The following CCDC7 variants were observed in gnomAD, a reference collection of about 807,000 sequenced individuals.
CCDC7 encodes coiled-coil domain-containing protein 7.
CCDC7 carries 183 observed loss-of-function variants against 196.9 expected under a neutral mutation model. The observed-to-expected ratio is 0.93, with a 90% CI of 0.82 to 1.05. The LOEUF (loss-of-function observed/expected upper bound fraction) is 1.05. Ranked by LOEUF, CCDC7 falls within the 50% of genes least tolerant of loss-of-function variation. The probability of loss-of-function intolerance (pLI) is 0.00; values close to 1 mark genes in which losing one functional copy is unlikely to be tolerated. For missense variants in CCDC7, 1,540 were observed against 1,482.2 expected (o/e 1.04, Z -0.64); for synonymous variants, 525 against 484.6 (o/e 1.08, Z -1.10).
intron 33 of CCDC7, among the ~76,000 whole-genome samples, chr10:32,835,477 A>T (rs561893967): frequency 6.6e-6 from 1 of 152,252 alleles, no homozygotes; most frequent in East Asian, 1.9e-4. Flanking sequence ...GTTGGTACAT[A>T]TACACCATAG....
chr10:32,837,062 A>G (rs1204542609), intron 33 of CCDC7, among the ~76,000 whole-genome samples: 1 of 152,204 alleles, frequency 6.6e-6, no homozygotes, highest in African/African-American at 2.4e-5. Context: ...ACAAAAGCCA[A>G]AATTGACAAA....
intron 22 of CCDC7, 78 bp from the exon 24 acceptor site, chr10:32,688,975 C>A: frequency 2.2e-6 from 2 of 895,532 alleles, no homozygotes; most frequent in Non-Finnish European, 3.5e-6. Flanking sequence ...TGCCACTGCA[C>A]ATTCGTAAAT....
intron 41 of CCDC7, among the ~76,000 whole-genome samples, chr10:32,869,950 T>G (rs188972460): frequency 4.1e-4 from 62 of 152,258 alleles, no homozygotes; most frequent in African/African-American, 1.4e-3. Flanking sequence ...GTTCCATTGG[T>G]CTATATCTCT....
intron 3 of CCDC7, among the ~76,000 whole-genome samples, chr10:32,457,935 G>A (rs922660559): frequency 1.3e-5 from 2 of 151,552 alleles, no homozygotes; most frequent in African/African-American, 4.9e-5. Context: ...TCACTTGTTA[G>A]ATGAATTTTT....
chr10:32,598,926 C>A (rs953098987), intron 18 of CCDC7, among the ~76,000 whole-genome samples: 32 of 151,972 alleles, frequency 2.1e-4, no homozygotes, highest in African/African-American at 7.3e-4. Flanking sequence ...GTGTTAGGTC[C>A]AGTTGGGCTA....
intron 9 of CCDC7, among the ~76,000 whole-genome samples, chr10:32,504,609 A>G (rs947422652): frequency 2.6e-5 from 4 of 151,944 alleles, no homozygotes; most frequent in Non-Finnish European, 4.4e-5. Context: ...TTGTATTTCC[A>G]TTTTTGTTTG....
intron 18 of CCDC7, among the ~76,000 whole-genome samples, chr10:32,611,820 T>C (rs11008997): frequency 0.25 from 38,222 of 152,114 alleles, 5,400 homozygotes; most frequent in South Asian, 0.44. Flanking sequence ...TTGGCTACTG[T>C]AGCCTTGTAG....
intron 23 of CCDC7, among the ~76,000 whole-genome samples, chr10:32,692,132 A>C (rs766892199): frequency 2.2e-4 from 33 of 152,232 alleles, no homozygotes; most frequent in Admixed American, 1.3e-4. Context: ...TCATTAAAGC[A>C]TGAGTCTCAA....
At chr10:32,563,653 GA>G (rs1305222736) in intron 13 of CCDC7, among the ~76,000 whole-genome samples, 1 of 152,092 alleles carries the variant, frequency 6.6e-6, no homozygotes, top group African/African-American at 2.4e-5. Context: ...ATTAATTCAA[GA>G]TGGATTAAAG....
intron 9 of CCDC7, chr10:32,511,331 C>G: frequency 6.7e-7 from 1 of 1,499,248 alleles, no homozygotes; most frequent in Non-Finnish European, 9.0e-7. Flanking sequence ...TTTACTTTTT[C>G]CTTTATTGGC....
chr10:32,624,155 A>G (rs995730207), intron 18 of CCDC7, among the ~76,000 whole-genome samples: 1 of 152,192 alleles, frequency 6.6e-6, no homozygotes, highest in African/African-American at 2.4e-5. Context: ...TATATAAAAA[A>G]TTCAACCACT....
chr10:32,734,318 A>T (rs763061702), intron 28 of CCDC7, among the ~76,000 whole-genome samples: 4 of 152,212 alleles, frequency 2.6e-5, no homozygotes, highest in Non-Finnish European at 5.9e-5. Context: ...GGAGGCCATT[A>T]TACTTAGCAA....
downstream of CCDC7, among the ~76,000 whole-genome samples, chr10:32,877,904 G>T (rs1024471033): frequency 6.6e-6 from 1 of 151,926 alleles, no homozygotes; most frequent in East Asian, 1.9e-4. Flanking sequence ...GAGGATACAA[G>T]GGAAATAAAC....
intron 11 of CCDC7, among the ~76,000 whole-genome samples, chr10:32,527,454 C>T (rs35574674): frequency 0.086 from 13,040 of 152,022 alleles, 879 homozygotes; most frequent in South Asian, 0.25. Context: ...GGTGTTCCAA[C>T]AGAGGGGACG....
intron 18 of CCDC7, among the ~76,000 whole-genome samples, chr10:32,589,209 G>A (rs1424869538): frequency 6.6e-6 from 1 of 151,940 alleles, no homozygotes; most frequent in Non-Finnish European, 1.5e-5. Flanking sequence ...GAGTTCAATT[G>A]TTTTAATTTT....
At chr10:32,769,949 A>C (rs954518547) in intron 28 of CCDC7, among the ~76,000 whole-genome samples, 10 of 152,280 alleles carry the variant, frequency 6.6e-5, no homozygotes, top group African/African-American at 2.2e-4. Flanking sequence ...ATACATGTGC[A>C]TGTGTCTTTA....
intron 10 of CCDC7, 130 bp downstream of exon 11, chr10:32,518,105 G>A: frequency 8.4e-7 from 1 of 1,192,898 alleles, no homozygotes. Context: ...AGATTTGTAT[G>A]CATATGTGAA....
At chr10:32,708,722 G>T (rs2080259500) in intron 24 of CCDC7, among the ~76,000 whole-genome samples, 2 of 152,190 alleles carry the variant, frequency 1.3e-5, no homozygotes. Flanking sequence ...ATGAAAAAAT[G>T]CTCATCATCA....
At chr10:32,662,302 GT>G (rs2071645837) in intron 20 of CCDC7, among the ~76,000 whole-genome samples, 1 of 152,194 alleles carries the variant, frequency 6.6e-6, no homozygotes, top group African/African-American at 2.4e-5. Context: ...ACAATATGAA[GT>G]TAAAACCAGA....
Sources: gnomAD v4.1 joint callset for allele counts (sites outside exome capture counted in the v4.1 genomes callset) on GRCh38, gnomAD v4.1.1 for gene constraint, MANE v1.5 for transcripts, NCBI Gene and HGNC (gene_info 2026-07-23, HGNC 2026-07-21) for gene names.